CPPED1: variants seen among roughly 807,000 people sequenced by gnomAD.
CPPED1 encodes serine/threonine-protein phosphatase CPPED1.
Under a neutral mutation model 28.0 loss-of-function variants are expected in CPPED1, and 28 were observed. That is an observed-to-expected ratio of 1.00 (90% CI 0.74 to 1.37). The LOEUF (loss-of-function observed/expected upper bound fraction) is 1.37, where lower values mean the gene tolerates loss of function less well. Among genes scored for constraint, CPPED1 ranks in the 40% most tolerant of loss-of-function variants. The pLI, the probability that CPPED1 is intolerant of heterozygous loss-of-function variation, is 0.00. For missense variants in CPPED1, 504 were observed against 416.5 expected, an observed-to-expected ratio of 1.21 and a Z score of -1.83; for synonymous variants, 198 against 180.2, an observed-to-expected ratio of 1.10 and a Z score of -0.79.
chr16:12,667,046 G>C (rs1402001627), intron 3 of CPPED1, among the ~76,000 whole-genome samples: 2 of 151,648 alleles, frequency 1.3e-5, no homozygotes, highest in African/African-American at 2.4e-5. Flanking sequence ...ATAAGGCCTG[G>C]TCCTGAACGG....
intron 2 of CPPED1, among the ~76,000 whole-genome samples, chr16:12,768,306 C>T (rs1405951504): frequency 2.6e-5 from 4 of 152,228 alleles, no homozygotes; most frequent in African/African-American, 7.2e-5. Context: ...TAAGGCGAGG[C>T]TCTCTGTTTT....
chr16:12,750,544 T>A (rs1390515414), intron 2 of CPPED1, among the ~76,000 whole-genome samples: 1 of 152,140 alleles, frequency 6.6e-6, no homozygotes, highest in East Asian at 1.9e-4. Context: ...ATGGACATGG[T>A]TTGTGGCACC....
At chr16:12,760,351 C>A (rs1192620028) in intron 2 of CPPED1, 3 of 152,174 alleles carry the variant, frequency 2.0e-5, no homozygotes, top group Admixed American at 2.0e-4. Context: ...TAATTGATTG[C>A]TAACTTTGCC....
intron 3 of CPPED1, among the ~76,000 whole-genome samples, chr16:12,697,259 A>G (rs2079996364): frequency 2.6e-5 from 4 of 152,118 alleles, no homozygotes. Context: ...TCCTGAGCTC[A>G]GGTGATAATT....
chr16:12,688,134 G>T (rs2079943084), intron 3 of CPPED1, among the ~76,000 whole-genome samples: 1 of 151,722 alleles, frequency 6.6e-6, no homozygotes, highest in South Asian at 2.1e-4. Context: ...AGGCTCAGGT[G>T]GTTCTCCTGC....
At position 12,659,963 on chromosome 16, in the gene CPPED1, A is replaced by G. The variant is rs1411519001; in HGVS notation, c.*4923T>C. 6.6e-6 allele frequency: 1 copy of G among 152,244 alleles called. No individual in the cohort carries two copies. The highest frequency in any genetic ancestry group is 1.9e-4 in the East Asian group (1 of 5,192). 9.4% of individuals were successfully genotyped at this position (152,244 alleles called of 1,614,324 possible). On this transcript the variant is annotated 3_prime_UTR_variant, in exon 4 of 4. Coordinates refer to ENST00000381774, the MANE Select transcript of CPPED1 (RefSeq NM_018340.3). ...CAAACACAAAACCATCAGTGTCATG[A>G]GAACTCACTATCACAAGAATAGCAT... is the stretch of plus-strand genomic sequence containing the variant.
chr16:12,788,362 TATCTC>T (rs903451727), intron 1 of CPPED1, among the ~76,000 whole-genome samples: 2 of 152,156 alleles, frequency 1.3e-5, no homozygotes, highest in African/African-American at 2.4e-5. Flanking sequence ...ATACTTAACT[TATCTC>T]AGTTAATGTC....
intron 3 of CPPED1, among the ~76,000 whole-genome samples, chr16:12,684,967 T>C (rs775353184): frequency 6.6e-6 from 1 of 152,206 alleles, no homozygotes; most frequent in South Asian, 2.1e-4. Flanking sequence ...AAGGGAGAGT[T>C]CCCGTATTTC....
intron 3 of CPPED1, among the ~76,000 whole-genome samples, chr16:12,681,083 C>A (rs1315008458): frequency 2.0e-5 from 3 of 152,108 alleles, no homozygotes; most frequent in African/African-American, 4.8e-5. Flanking sequence ...ACTCTAAAAC[C>A]TGAAGAGATT....
intron 2 of CPPED1, among the ~76,000 whole-genome samples, chr16:12,770,233 A>C (rs2080462205): frequency 6.6e-6 from 1 of 152,154 alleles, no homozygotes; most frequent in African/African-American, 2.4e-5. Context: ...TCTCAGTGCA[A>C]ATGGCGCTGA....
At chr16:12,671,561 A>G (rs1438992348) in intron 3 of CPPED1, among the ~76,000 whole-genome samples, 1 of 152,206 alleles carries the variant, frequency 6.6e-6, no homozygotes, top group African/African-American at 2.4e-5. Context: ...CTGGAGATTC[A>G]CCTGTGGGCA....
intron 3 of CPPED1, among the ~76,000 whole-genome samples, chr16:12,694,458 G>A (rs549691022): frequency 5.6e-4 from 85 of 152,168 alleles, no homozygotes; most frequent in South Asian, 8.3e-4. Flanking sequence ...CAACTGTTAA[G>A]GATACCTCCA....
At chr16:12,701,856 C>T (rs766902189) in intron 3 of CPPED1, among the ~76,000 whole-genome samples, 1 of 152,196 alleles carries the variant, frequency 6.6e-6, no homozygotes, top group Non-Finnish European at 1.5e-5. Context: ...CTTCAGCTAG[C>T]GAGCTCCTCC....
At chr16:12,689,052 A>G (rs1365303891) in intron 3 of CPPED1, among the ~76,000 whole-genome samples, 1 of 152,148 alleles carries the variant, frequency 6.6e-6, no homozygotes. Context: ...GAACAAGTGG[A>G]AACAACCTCA....
At chr16:12,784,878 C>T (rs73508452) in intron 1 of CPPED1, among the ~76,000 whole-genome samples, 18,332 of 151,966 alleles carry the variant, frequency 0.12, 1,270 homozygotes, top group African/African-American at 0.18. Flanking sequence ...GCTATTAAAA[C>T]AAATCTTTCA....
chr16:12,754,257 G>C (rs1007376239), intron 2 of CPPED1, among the ~76,000 whole-genome samples: 1 of 152,152 alleles, frequency 6.6e-6, no homozygotes, highest in African/African-American at 2.4e-5. Context: ...TCCACCTCTA[G>C]AACATTTCGA....
rs1400609219 is a variant in CPPED1, at chr16:12,803,754, C to A, written c.23G>T (p.Gly8Val). The A allele has an allele frequency of 8.8e-6, 14 of 1,594,994 alleles. No homozygotes were observed. The highest frequency in any genetic ancestry group is 6.8e-5 in the African/African-American group (5 of 73,818). MSAAEAG[G>V]VFHRARGRTL... ...CCTGCCCCTGGCTCTGTGGAAAACA[C>A]CCCCCGCCTCTGCAGCCGACATGGC... Residue 8 changes from glycine (G) to valine (V), a missense_variant, in exon 1 of 4, where the codon GGT becomes GTT. Coordinates refer to ENST00000381774, the MANE Select transcript of CPPED1 (RefSeq NM_018340.3).
intron 1 of CPPED1, among the ~76,000 whole-genome samples, chr16:12,786,595 C>T (rs1412522585): frequency 1.3e-5 from 2 of 152,084 alleles, no homozygotes; most frequent in Non-Finnish European, 2.9e-5. Context: ...TTTACATTGC[C>T]TTGCAAAACT....
chr16:12,737,490 G>C (rs928884599), intron 2 of CPPED1, among the ~76,000 whole-genome samples: 1 of 152,224 alleles, frequency 6.6e-6, no homozygotes, highest in Non-Finnish European at 1.5e-5. Context: ...TTCCCATGCA[G>C]GGACCTGTCT....
Sources: allele counts gnomAD v4.1 joint callset (sites outside exome capture counted in the v4.1 genomes callset), GRCh38; gene constraint gnomAD v4.1.1; transcripts MANE v1.5; gene names NCBI Gene and HGNC (gene_info 2026-07-23, HGNC 2026-07-21).